CSNK2A1: variants seen among roughly 807,000 people sequenced by gnomAD.
CSNK2A1 encodes the protein casein kinase II subunit alpha.
In CSNK2A1, 10 loss-of-function variants were observed where a neutral mutation model predicts 62.9. The observed-to-expected ratio is 0.16, with a 90% CI of 0.10 to 0.27. The LOEUF (loss-of-function observed/expected upper bound fraction) is 0.27, where lower values mean the gene tolerates loss of function less well. Ranked by LOEUF, CSNK2A1 falls within the 10% of genes least tolerant of loss-of-function variation. CSNK2A1 has a pLI of 1.00. For missense variants in CSNK2A1, 160 were observed against 492.0 expected (o/e 0.33, Z 6.38); for synonymous variants, 124 against 167.8 (o/e 0.74, Z 2.02).
chr20:505,315 T>C (rs1204538575), intron 3 of CSNK2A1, 86 bp from the exon 4 acceptor site: 4 of 889,674 alleles, frequency 4.5e-6, no homozygotes, highest in East Asian at 5.5e-5. Context: ...GCAGCTGTAA[T>C]AGAAATAAGA....
At position 487,495 on chromosome 20, in the gene CSNK2A1, T is replaced by C. The variant is rs1160432247; in HGVS notation, c.905A>G (p.Asp302Gly). The C allele has an allele frequency of 1.2e-6, 2 of 1,614,074 alleles. No homozygotes were observed. Among genetic ancestry groups the C allele is most frequent in the African/African-American group, 2.7e-5 (2 of 74,926 alleles). ...CTGGTGGTCATATCGCAGCAGTTTG[T>C]CCAGGAAATCCAAGGCCTCAGGGCT... is the stretch of plus-strand genomic sequence containing the variant. Reference protein sequence around the residue: ...LVSPEALDFLDKLLRYDHQSR... With the variant: ...LVSPEALDFLGKLLRYDHQSR... Residue 302 changes from aspartate to glycine, a missense_variant, in exon 12 of 14, where the codon GAC becomes GGC. Asp to Gly is a moderately conservative substitution (Grantham distance 94). Around this residue, in one of 3 missense-constraint regions of CSNK2A1, gnomAD observed 94 missense variants for 357.6 expected, o/e 0.26. Coordinates refer to ENST00000217244, the MANE Select transcript of CSNK2A1 (RefSeq NM_177559.3).
chr20:495,423 GA>G (rs2122530997), intron 8 of CSNK2A1: 1 of 335,576 alleles, frequency 3.0e-6, no homozygotes, highest in Non-Finnish European at 5.7e-6. Context: ...CAAATGGAGA[GA>G]AAGTAGTTTC....
chr20:477,161 T>C lies in CSNK2A1; in HGVS notation c.*6800A>G, dbSNP rs530345785. 2.6e-5 allele frequency: 4 copies of C among 152,142 alleles called. No homozygotes were observed. Among genetic ancestry groups the C allele is most frequent in the Admixed American group, 2.6e-4 (4 of 15,276 alleles). 9.4% of individuals were successfully genotyped at this position (152,142 alleles called of 1,614,324 possible). A position where few individuals can be genotyped will look rare whatever the true frequency, so the allele number is the denominator to read the frequency against. On this transcript the variant is annotated 3_prime_UTR_variant, in exon 14 of 14. Transcript: ENST00000217244. ...GCCTCAGCCTCCCAAAGAGCTGAGATTACAGGCATGAGCCACCACGCCCAG... is the reference window on the plus strand; with the variant it reads ...GCCTCAGCCTCCCAAAGAGCTGAGACTACAGGCATGAGCCACCACGCCCAG...
At chr20:503,940 G>A (rs551031989) in intron 4 of CSNK2A1, among the ~76,000 whole-genome samples, 1 of 152,334 alleles carries the variant, frequency 6.6e-6, no homozygotes, top group Admixed American at 6.5e-5. Context: ...CACTTTGGGA[G>A]GCCGAGGCGG....
rs2018419074 is a variant in CSNK2A1 at position 499,745 on chromosome 20, G to A, written c.315+88C>T. 1.5e-5 allele frequency: 18 copies of A among 1,193,268 alleles called. No individual in the cohort carries two copies. The highest frequency in any genetic ancestry group is 2.1e-5 in the Non-Finnish European group (17 of 804,092). 73.9% of individuals were successfully genotyped at this position (1,193,268 alleles called of 1,614,324 possible). On this transcript the variant is annotated intron_variant, in intron 5 of 13. Transcript: ENST00000217244. The surrounding 1 kb of genome is among the most constrained non-coding windows in gnomAD (Gnocchi z 4.2). ...AAAGCAGGACTTAATGATGAGGGTT[G>A]GGGGAGGGAACAAAAAGAGGCCAGT...
chr20:488,962 G>C, intron 10 of CSNK2A1, 184 bp from the exon 11 acceptor site: 1 of 488,318 alleles, frequency 2.0e-6, no homozygotes, highest in Non-Finnish European at 3.5e-6. Context: ...TTATAAACTG[G>C]TTTCTTCCTC....
intron 1 of CSNK2A1, among the ~76,000 whole-genome samples, chr20:528,990 C>A (rs554078963): frequency 6.6e-6 from 1 of 152,298 alleles, no homozygotes; most frequent in South Asian, 2.1e-4. Context: ...CAACTGCAGT[C>A]TGAAAATATT....
At chr20:539,604 T>C (rs1028672852) in intron 1 of CSNK2A1, 1 of 152,236 alleles carries the variant, frequency 6.6e-6, no homozygotes, top group African/African-American at 2.4e-5. Flanking sequence ...TTAACTTTAA[T>C]TAAATCTACT....
intron 2 of CSNK2A1, among the ~76,000 whole-genome samples, chr20:525,520 G>C (rs563753067): frequency 6.6e-6 from 1 of 151,322 alleles, no homozygotes; most frequent in Admixed American, 6.6e-5. Context: ...GCATGGTGGC[G>C]GGCGCCTGTA....
At chr20:528,543 GT>G (rs2122634499) in intron 1 of CSNK2A1, among the ~76,000 whole-genome samples, 1 of 152,176 alleles carries the variant, frequency 6.6e-6, no homozygotes, top group African/African-American at 2.4e-5. Flanking sequence ...AGCTTCCTTA[GT>G]AGCTGGGACC....
rs551703352 is a variant in CSNK2A1, at chr20:488,817, T to C, written c.724-39A>G. On this transcript the variant is annotated intron_variant, in intron 10 of 13. Transcript: ENST00000217244. ...AAGACAAAAACCCATATCACAAGCA[T>C]ATTATATTAACAAATCAACAATTAA... is the stretch of plus-strand genomic sequence containing the variant. The C allele has an allele frequency of 3.9e-6, 6 of 1,539,098 alleles. No individual in the cohort carries two copies. In the East Asian group the frequency reaches 1.4e-4, roughly 35 times the overall value.
At chr20:524,548 C>T (rs2019029430) in intron 2 of CSNK2A1, among the ~76,000 whole-genome samples, 2 of 149,768 alleles carry the variant, frequency 1.3e-5, no homozygotes, top group Non-Finnish European at 3.0e-5. Flanking sequence ...CTCATCTCTA[C>T]TTAAAAACAA....
At chr20:522,840 G>A (rs772679643) in intron 2 of CSNK2A1, among the ~76,000 whole-genome samples, 16 of 152,118 alleles carry the variant, frequency 1.1e-4, no homozygotes, top group Non-Finnish European at 2.2e-4. Flanking sequence ...TAAGTAGCTA[G>A]GACTACAGGC....
At chr20:514,136 G>A (rs2018781337) in intron 2 of CSNK2A1, among the ~76,000 whole-genome samples, 1 of 151,962 alleles carries the variant, frequency 6.6e-6, no homozygotes, top group Non-Finnish European at 1.5e-5. Context: ...TTGAGCCCAG[G>A]AGTTTGAGAC....
chr20:519,513 A>C (rs1002805410), intron 2 of CSNK2A1, among the ~76,000 whole-genome samples: 2 of 152,234 alleles, frequency 1.3e-5, no homozygotes, highest in African/African-American at 4.8e-5. Context: ...CAGGAGTTGG[A>C]GGCCAGCCTG....
chr20:495,885 T>TTTAGCC (rs2018337899), intron 7 of CSNK2A1, 83 bp from the exon 8 acceptor site: 2 of 1,210,918 alleles, frequency 1.7e-6, no homozygotes, highest in South Asian at 2.4e-5. Context: ...AAATTTTCCT[T>TTTAGCC]TTAGCCTCAC....
At chr20:524,333 G>A (rs895747066) in intron 2 of CSNK2A1, among the ~76,000 whole-genome samples, 1 of 150,404 alleles carries the variant, frequency 6.6e-6, no homozygotes, top group Non-Finnish European at 1.5e-5. Context: ...CTGAGGCAGG[G>A]GAATCGCTTG....
In CSNK2A1 at chr20:475,808, T is replaced by C. The variant is rs77725; in HGVS notation, c.*8153A>G. 72,489 of 152,016 alleles carry C rather than the reference T, an allele frequency of 0.48. 19,156 individuals carry two copies. Among genetic ancestry groups the C allele is most frequent in the East Asian group, 0.7 (3,620 of 5,158 alleles). The allele number at this position is 152,016 out of a possible 1,614,324, so 9.4% of individuals were successfully genotyped here. On this transcript the variant is annotated 3_prime_UTR_variant, in exon 14 of 14. Coordinates refer to ENST00000217244, the MANE Select transcript of CSNK2A1 (RefSeq NM_177559.3). ...TTGGTCTCTTCTAAGTTTCTGTGAT[T>C]CATGAGAAGAGCACGCCCTGAGTAG...
intron 8 of CSNK2A1, 94 bp downstream of exon 8, chr20:495,625 C>T: frequency 9.6e-7 from 1 of 1,044,000 alleles, no homozygotes. Context: ...CGAATAGGTA[C>T]TAGGGCCTGT....
Sources: allele counts gnomAD v4.1 joint callset (sites outside exome capture counted in the v4.1 genomes callset), GRCh38; gene constraint gnomAD v4.1.1; regional missense constraint gnomAD v4.1.1; non-coding constraint Gnocchi (gnomAD v3.1); transcripts MANE v1.5; gene names NCBI Gene and HGNC (gene_info 2026-07-23, HGNC 2026-07-21).